The following MCF2L variants were observed in gnomAD, a reference collection of about 807,000 sequenced individuals.
MCF2L encodes MCF.2 cell line derived transforming sequence like, also known as guanine nucleotide exchange factor DBS.
A neutral mutation model predicts 153.4 loss-of-function variants in MCF2L; 97 were observed. That is an observed-to-expected ratio of 0.63 (90% CI 0.54 to 0.75). The LOEUF (loss-of-function observed/expected upper bound fraction) is 0.75, where lower values mean the gene tolerates loss of function less well. Among genes scored for constraint, MCF2L ranks in the 30% least tolerant of loss-of-function variants. MCF2L has a pLI of 0.00. For missense variants in MCF2L, 1,347 were observed against 1,495.2 expected, an observed-to-expected ratio of 0.90 and a Z score of 1.64; for synonymous variants, 659 against 632.2, an observed-to-expected ratio of 1.04 and a Z score of -0.64.
intron 1 of MCF2L, 108 bp from the exon 2 acceptor site, chr13:113,014,629 GCCTTTTTCCAGCCACGTGACGCCACT>G: frequency 1.6e-6 from 1 of 642,418 alleles, no homozygotes; most frequent in South Asian, 1.9e-5. Flanking sequence ...AAACTGAAAA[GCCTTTTTCCAGCCACGTGACGCCACT>G]CCCGTAGGTG....
chr13:112,915,088 A>G (rs1161495760), intron 2 of MCF2L, among the ~76,000 whole-genome samples: 2 of 151,738 alleles, frequency 1.3e-5, no homozygotes, highest in African/African-American at 2.4e-5. Context: ...TGCTTTTCTG[A>G]CCTGGGGATC....
chr13:112,980,567 G>A (rs2082372983), intron 1 of MCF2L, among the ~76,000 whole-genome samples: 1 of 146,006 alleles, frequency 6.8e-6, no homozygotes, highest in African/African-American at 2.5e-5. Context: ...ATGCCTGACT[G>A]TCCTGGGGCT....
chr13:112,952,413 C>A (rs2081704465), intron 2 of MCF2L, among the ~76,000 whole-genome samples: 1 of 152,144 alleles, frequency 6.6e-6, no homozygotes, highest in Admixed American at 6.5e-5. Context: ...CGTGAACTTG[C>A]TGCATCACAG....
intron 1 of MCF2L, among the ~76,000 whole-genome samples, chr13:112,988,628 C>T (rs911740242): frequency 8.8e-5 from 13 of 147,278 alleles, no homozygotes; most frequent in African/African-American, 2.8e-4. Flanking sequence ...GCTACCACAC[C>T]GGAGTCCTCC....
chr13:113,010,872 G>C (rs1475720842), intron 1 of MCF2L, among the ~76,000 whole-genome samples: 2 of 152,192 alleles, frequency 1.3e-5, no homozygotes, highest in African/African-American at 4.8e-5. Context: ...GGCCATGCTC[G>C]CCTGCCTGCA....
At chr13:112,957,984 T>G (rs998874298) in intron 2 of MCF2L, 1 of 152,216 alleles carries the variant, frequency 6.6e-6, no homozygotes, top group African/African-American at 2.4e-5. Flanking sequence ...GCAAAATAAC[T>G]TGGTTAGATT....
At chr13:112,997,648 T>C (rs948486836) in intron 1 of MCF2L, among the ~76,000 whole-genome samples, 3 of 152,212 alleles carry the variant, frequency 2.0e-5, no homozygotes, top group African/African-American at 7.2e-5. Flanking sequence ...TAAAATGAAA[T>C]TGTCCATCCG....
intron 1 of MCF2L, among the ~76,000 whole-genome samples, chr13:112,974,498 G>A (rs1035588804): frequency 3.9e-5 from 6 of 152,214 alleles, no homozygotes; most frequent in Non-Finnish European, 8.8e-5. Context: ...GGTGTGGAAA[G>A]TGCATGGATT....
At chr13:112,975,188 G>A (rs2082173435) in intron 1 of MCF2L, among the ~76,000 whole-genome samples, 1 of 152,204 alleles carries the variant, frequency 6.6e-6, no homozygotes, top group Admixed American at 6.5e-5. Context: ...AACTGCCCTT[G>A]TCTGATACAC....
At chr13:112,913,142 GGT>G (rs2081252796) in intron 2 of MCF2L, among the ~76,000 whole-genome samples, 1 of 150,096 alleles carries the variant, frequency 6.7e-6, no homozygotes, top group Non-Finnish European at 1.5e-5. Context: ...GTGTGTCTGT[GGT>G]GTATTTCTGT....
chr13:112,912,019 C>T (rs1252004693), intron 2 of MCF2L, among the ~76,000 whole-genome samples: 1 of 152,196 alleles, frequency 6.6e-6, no homozygotes, highest in East Asian at 1.9e-4. Context: ...GTAAGTTCTA[C>T]CCCACCCTCA....
Position 112,993,668 on chromosome 13 carries a change from T to G in MCF2L, c.80-21095T>G, listed in dbSNP as rs1180537374. On this transcript the variant is annotated intron_variant, in intron 1 of 29. Coordinates refer to ENST00000535094, the MANE Select transcript of MCF2L (RefSeq NM_001112732.3). This position sits in a 1 kb window ranked among gnomAD's most constrained non-coding sequence, Gnocchi z 4.6. ...AGTCATCGTCAATGGCCCCACGATG[T>G]CAGGCTTGGAATTTGGGGTGGACGG... Among the ~76,000 whole-genome samples the G allele has an allele frequency of 2.0e-5, 3 of 151,936 alleles. No individual in the cohort carries two copies. Among genetic ancestry groups the G allele is most frequent in the Non-Finnish European group, 4.4e-5 (3 of 67,984 alleles).
chr13:112,962,378 G>A (rs1234543057), intron 2 of MCF2L, among the ~76,000 whole-genome samples: 1 of 152,198 alleles, frequency 6.6e-6, no homozygotes, highest in Non-Finnish European at 1.5e-5. Context: ...ATCTAGTGAG[G>A]TGGTGCTGTC....
At chr13:112,979,411 G>T in intron 1 of MCF2L, 1 of 1,391,142 alleles carries the variant, frequency 7.2e-7, no homozygotes. Flanking sequence ...GGTGGCTCGG[G>T]CCAGGCTCTG....
At position 113,053,947 on chromosome 13, in the gene MCF2L, T is replaced by C. The variant is rs1328064574; in HGVS notation, c.370-6646T>C. 1.3e-5 allele frequency among the ~76,000 whole-genome samples: 2 copies of C among 152,182 alleles called. No homozygotes were observed. The highest frequency in any genetic ancestry group is 2.4e-5 in the African/African-American group (1 of 41,442). Reference sequence around the variant, plus strand: ...AACCCGAATACTCCTCAACTCTTGATGGGAGCTCAGTTCACACGGCTCCGA... The same window carrying C: ...AACCCGAATACTCCTCAACTCTTGACGGGAGCTCAGTTCACACGGCTCCGA... On this transcript the variant is annotated intron_variant, in intron 4 of 29. Transcript: ENST00000535094. The surrounding 1 kb of genome is among the most constrained non-coding windows in gnomAD (Gnocchi z 4.4).
intron 2 of MCF2L, among the ~76,000 whole-genome samples, chr13:112,922,771 G>A (rs984505410): frequency 6.6e-6 from 1 of 152,208 alleles, no homozygotes; most frequent in African/African-American, 2.4e-5. Flanking sequence ...GGAGGCGGAG[G>A]TTGCAGTGAG....
At chr13:112,958,532 G>T (rs578225537) in intron 2 of MCF2L, among the ~76,000 whole-genome samples, 1 of 152,264 alleles carries the variant, frequency 6.6e-6, no homozygotes, top group South Asian at 2.1e-4. Context: ...GCGGGGGCTG[G>T]GGCCTCAGCA....
At chr13:112,977,446 CT>C (rs1352725845) in intron 1 of MCF2L, among the ~76,000 whole-genome samples, 1 of 152,162 alleles carries the variant, frequency 6.6e-6, no homozygotes, top group Non-Finnish European at 1.5e-5. Context: ...ACGATGGTCG[CT>C]GAAGCCAAAG....
intron 1 of MCF2L, among the ~76,000 whole-genome samples, chr13:112,984,488 T>G (rs2082556539): frequency 6.6e-6 from 1 of 152,196 alleles, no homozygotes; most frequent in Non-Finnish European, 1.5e-5. Flanking sequence ...TCCGCCCGCC[T>G]CAGCCTCCCA....
Sources: gnomAD v4.1 joint callset for allele counts (sites outside exome capture counted in the v4.1 genomes callset) on GRCh38, gnomAD v4.1.1 for gene constraint, Gnocchi (gnomAD v3.1) non-coding constraint, MANE v1.5 for transcripts, NCBI Gene and HGNC (gene_info 2026-07-23, HGNC 2026-07-21) for gene names.